The following SPTAN1 variants were observed in gnomAD, a reference collection of about 807,000 sequenced individuals.
SPTAN1 encodes spectrin alpha, non-erythrocytic 1.
A neutral mutation model predicts 331.3 loss-of-function variants in SPTAN1; 61 were observed. The observed-to-expected ratio is 0.18, with a 90% CI of 0.15 to 0.23. The LOEUF (loss-of-function observed/expected upper bound fraction) is 0.23. Ranked by LOEUF, SPTAN1 falls within the 10% of genes least tolerant of loss-of-function variation. The pLI, the probability that SPTAN1 is intolerant of heterozygous loss-of-function variation, is 1.00. For missense variants in SPTAN1, 2,043 were observed against 3,147.9 expected, an observed-to-expected ratio of 0.65 and a Z score of 8.40; for synonymous variants, 1,153 against 1,173.9, an observed-to-expected ratio of 0.98 and a Z score of 0.36.
chr9:128,607,443 G>C (rs1248759111), intron 31 of SPTAN1, among the ~76,000 whole-genome samples, 161 bp from the exon 32 acceptor site: 1 of 152,182 alleles, frequency 6.6e-6, no homozygotes, highest in Non-Finnish European at 1.5e-5. Flanking sequence ...ATAACAAGAA[G>C]TTTTTTAACA....
At chr9:128,618,709 T>G (rs993565394) in intron 43 of SPTAN1, among the ~76,000 whole-genome samples, 162 bp from the exon 44 acceptor site, 3 of 152,122 alleles carry the variant, frequency 2.0e-5, no homozygotes, top group Admixed American at 6.5e-5. Context: ...GGTCTCGATC[T>G]CCTGATCTCG....
At position 128,605,160 on chromosome 9, in the gene SPTAN1, T is replaced by C. The variant is rs770171975; in HGVS notation, c.3846T>C (p.Leu1282=). 2 of 1,613,978 alleles carry C rather than the reference T, an allele frequency of 1.2e-6. No homozygotes were observed. Among genetic ancestry groups the C allele is most frequent in the Admixed American group, 1.7e-5 (1 of 60,002 alleles). Residue 1282 remains leucine, a synonymous_variant, in exon 30 of 57, where the codon CTT becomes CTC. Coordinates refer to ENST00000372739, the MANE Select transcript of SPTAN1 (RefSeq NM_001130438.3). ...QRKHEGFERD[L]AALGDKVNSL... Reference sequence around the variant, plus strand: ...AGCATGAGGGCTTCGAGAGGGACCTTGCGGCTCTCGGTGACAAGGTGAGAG... The same window carrying C: ...AGCATGAGGGCTTCGAGAGGGACCTCGCGGCTCTCGGTGACAAGGTGAGAG...
chr9:128,605,223 G>A, intron 30 of SPTAN1, 45 bp downstream of exon 30: 1 of 1,614,120 alleles, frequency 6.2e-7, no homozygotes, highest in Non-Finnish European at 8.5e-7. Context: ...TTTTGCCCCA[G>A]AAAGAGCAGA....
intron 1 of SPTAN1, chr9:128,555,288 A>C: frequency 8.8e-7 from 1 of 1,131,524 alleles, no homozygotes; most frequent in African/African-American, 1.6e-5. Flanking sequence ...TGTTTTCTTC[A>C]TGATTTTGTT....
In SPTAN1 at chr9:128,617,670, C is replaced by G; in HGVS notation, c.5388C>G (p.Asp1796Glu). ...KEKKLLVGSE[D>E]YGRDLTGVQN... is the part of the protein sequence containing the mutation. ...AGAAGCTGCTGGTGGGCTCAGAGGA[C>G]TACGGCCGGGACCTAACCGGCGTGC... Residue 1796 changes from aspartate to glutamate, a missense_variant, in exon 42 of 57, where the codon GAC becomes GAG. Coordinates refer to ENST00000372739, the MANE Select transcript of SPTAN1 (RefSeq NM_001130438.3). 1 of 1,614,152 alleles carries G rather than the reference C, an allele frequency of 6.2e-7. No individual in the cohort carries two copies. Among genetic ancestry groups the G allele is most frequent in the South Asian group, 1.1e-5 (1 of 91,090 alleles).
intron 1 of SPTAN1, chr9:128,555,253 CTG>C: frequency 1.2e-6 from 1 of 848,794 alleles, no homozygotes; most frequent in South Asian, 1.5e-5. Context: ...GATTTTTAAT[CTG>C]TATTCATATT....
rs556796231 is a variant in SPTAN1 at position 128,624,438 on chromosome 9, G to A, written c.5943G>A (p.Ser1981=). The A allele has an allele frequency of 9.3e-6, 15 of 1,613,878 alleles. No individual in the cohort carries two copies. Among genetic ancestry groups the A allele is most frequent in the Non-Finnish European group, 1.3e-5 (15 of 1,180,022 alleles). Residue 1981 remains serine (S), a synonymous_variant, in exon 46 of 57, where the codon TCG becomes TCA. Transcript: ENST00000372739. The stretch of plus-strand genomic sequence containing the variant: ...GAAAGGCGAAGCTGGATGAGAACTC[G>A]GCCTTCCTTCAGTTCAACTGGAAGG... ...AQRKAKLDEN[S]AFLQFNWKAD...
Position 128,574,772 on chromosome 9 carries a change from A to G in SPTAN1, c.461A>G (p.Tyr154Cys). Residue 154 changes from tyrosine to cysteine, a missense_variant, in exon 4 of 57, where the codon TAC (tyrosine) becomes TGC (cysteine). Coordinates refer to ENST00000372739, the MANE Select transcript of SPTAN1 (RefSeq NM_001130438.3). ...KLLQAQKLVQ[Y>C]LRECEDVMDW... ...CTGCAGGCCCAGAAGTTGGTGCAGT[A>G]CTTACGAGAATGTGAGGACGTGATG... 1 of 1,614,180 alleles carries G rather than the reference A, an allele frequency of 6.2e-7. No individual in the cohort carries two copies. Among genetic ancestry groups the G allele is most frequent in the Non-Finnish European group, 8.5e-7 (1 of 1,180,000 alleles).
intron 1 of SPTAN1, among the ~76,000 whole-genome samples, chr9:128,563,079 G>A (rs1397277683): frequency 6.7e-6 from 1 of 148,758 alleles, no homozygotes; most frequent in African/African-American, 2.5e-5. Context: ...GCTTTTCAAG[G>A]TCACTCCCAG....
intron 16 of SPTAN1, 110 bp from the exon 17 acceptor site, chr9:128,584,172 A>G (rs1382483232): frequency 6.4e-6 from 10 of 1,559,136 alleles, no homozygotes; most frequent in Non-Finnish European, 7.9e-6. Flanking sequence ...AAGGAAGGAG[A>G]TAGCAGAAAG....
chr9:128,576,522 G>T (rs997060521), intron 5 of SPTAN1, among the ~76,000 whole-genome samples: 1 of 152,164 alleles, frequency 6.6e-6, no homozygotes, highest in Admixed American at 6.5e-5. Context: ...CATTGATAAA[G>T]TTACCACACA....
intron 46 of SPTAN1, 120 bp from the exon 47 acceptor site, chr9:128,624,983 A>T: frequency 1.1e-6 from 1 of 948,852 alleles, no homozygotes; most frequent in Non-Finnish European, 1.7e-6. Flanking sequence ...CTGAGGCTGT[A>T]GTTAGGAAGA....
chr9:128,585,990 A>C, intron 19 of SPTAN1, 25 bp downstream of exon 19: 3 of 1,607,948 alleles, frequency 1.9e-6, no homozygotes, highest in Non-Finnish European at 2.5e-6. Flanking sequence ...GAAGCGTCTC[A>C]CCTGCCAGGG....
Position 128,609,059 on chromosome 9 carries a change from TC to T in SPTAN1, c.4596-59del, listed in dbSNP as rs978901208. On this transcript the variant is annotated intron_variant, in intron 35 of 56. Transcript: ENST00000372739. ...TACGAAGGCCCAGGCCTGTTCTGTCTCCCCACTTCCTTCTCCACGGTAAGAT... is the reference window on the plus strand; with the variant it reads ...TACGAAGGCCCAGGCCTGTTCTGTCTCCCACTTCCTTCTCCACGGTAAGAT... The T allele has an allele frequency of 2.5e-6, 4 of 1,613,988 alleles. No homozygotes were observed. The African/African-American group carries it at 5.3e-5, about 22-fold the overall frequency.
intron 24 of SPTAN1, 100 bp from the exon 25 acceptor site, chr9:128,598,300 A>G: frequency 2.4e-6 from 2 of 826,100 alleles, no homozygotes; most frequent in Non-Finnish European, 3.9e-6. Flanking sequence ...AGGCCTCTGT[A>G]GAAGAATCCT....
intron 9 of SPTAN1, among the ~76,000 whole-genome samples, chr9:128,578,705 T>C (rs961409069): frequency 7.2e-5 from 11 of 152,000 alleles, no homozygotes; most frequent in Non-Finnish European, 7.4e-5. Flanking sequence ...GGCACGCGCC[T>C]GTAGTCCCAG....
intron 27 of SPTAN1, 145 bp from the exon 28 acceptor site, chr9:128,603,398 C>A: frequency 1.2e-6 from 1 of 852,186 alleles, no homozygotes; most frequent in Admixed American, 1.7e-5. Context: ...GACACTTGTA[C>A]TGATGTCTCT....
At chr9:128,576,513 A>G (rs781297255) in intron 5 of SPTAN1, among the ~76,000 whole-genome samples, 7 of 152,250 alleles carry the variant, frequency 4.6e-5, no homozygotes, top group Non-Finnish European at 5.9e-5. Context: ...AGATGAGTAC[A>G]TTGATAAAGT....
At chr9:128,587,406 A>G (rs1194714097) in intron 19 of SPTAN1, among the ~76,000 whole-genome samples, 200 bp from the exon 20 acceptor site, 1 of 152,198 alleles carries the variant, frequency 6.6e-6, no homozygotes. Context: ...AGCTATAATC[A>G]TAATATATAT....
Sources: gnomAD v4.1 joint callset for allele counts (sites outside exome capture counted in the v4.1 genomes callset) on GRCh38, gnomAD v4.1.1 for gene constraint, MANE v1.5 for transcripts, NCBI Gene and HGNC (gene_info 2026-07-23, HGNC 2026-07-21) for gene names.